The following MTUS2 variants were observed in gnomAD, a reference collection of about 807,000 sequenced individuals.
The protein encoded by MTUS2 is microtubule associated scaffold protein 2.
A neutral mutation model predicts 114.1 loss-of-function variants in MTUS2; 40 were observed. The observed-to-expected ratio is 0.35, with a 90% CI of 0.27 to 0.46. The LOEUF (loss-of-function observed/expected upper bound fraction) is 0.46. MTUS2 is among the 20% of genes least tolerant of loss of function. The probability of loss-of-function intolerance (pLI) is 1.00; values close to 1 mark genes in which losing one functional copy is unlikely to be tolerated. For synonymous variants in MTUS2, 688 were observed against 672.0 expected (o/e 1.02, Z -0.37); for missense variants, 1,679 against 1,705.4 (o/e 0.98, Z 0.27).
At chr13:28,824,433 C>A (rs1040227843) in intron 1 of MTUS2, among the ~76,000 whole-genome samples, 1 of 152,126 alleles carries the variant, frequency 6.6e-6, no homozygotes, top group African/African-American at 2.4e-5. Context: ...TCACAGATGG[C>A]CTAGTCTCAT....
intron 1 of MTUS2, among the ~76,000 whole-genome samples, chr13:28,831,789 C>T (rs920701690): frequency 1.1e-4 from 17 of 149,984 alleles, no homozygotes; most frequent in African/African-American, 3.7e-4. Context: ...CAGAGTCTCA[C>T]TCTGCTGCTC....
chr13:29,273,185 C>T (rs1351478746), intron 5 of MTUS2, among the ~76,000 whole-genome samples: 1 of 152,186 alleles, frequency 6.6e-6, no homozygotes, highest in Non-Finnish European at 1.5e-5. Flanking sequence ...CTCAGACTTA[C>T]ACCTGATTCT....
chr13:29,332,915 G>A (rs7991443), intron 7 of MTUS2, among the ~76,000 whole-genome samples: 11,425 of 151,784 alleles, frequency 0.075, 1,346 homozygotes, highest in African/African-American at 0.25. Flanking sequence ...GATTACAGGC[G>A]TGAGCCACCG....
intron 5 of MTUS2, among the ~76,000 whole-genome samples, chr13:29,109,426 C>G (rs1890797252): frequency 6.6e-6 from 1 of 152,088 alleles, no homozygotes; most frequent in Admixed American, 6.5e-5. Flanking sequence ...GAACTTACTC[C>G]TCCTGAATAC....
intron 6 of MTUS2, among the ~76,000 whole-genome samples, chr13:29,302,447 A>G (rs140532554): frequency 1.1e-4 from 16 of 152,290 alleles, no homozygotes; most frequent in African/African-American, 3.6e-4. Context: ...ACTCAGGCAC[A>G]CACACAGTCC....
chr13:29,303,693 A>G (rs1169309389), intron 6 of MTUS2, among the ~76,000 whole-genome samples: 1 of 152,222 alleles, frequency 6.6e-6, no homozygotes, highest in Non-Finnish European at 1.5e-5. Context: ...GGGAGAATGG[A>G]ACCAAGTTGG....
At chr13:29,254,454 G>T (rs1340191145) in intron 5 of MTUS2, among the ~76,000 whole-genome samples, 1 of 152,236 alleles carries the variant, frequency 6.6e-6, no homozygotes, top group Non-Finnish European at 1.5e-5. Context: ...TGACTTGATG[G>T]ACCTTGGTAC....
chr13:29,411,540 G>T (rs2138549216), intron 8 of MTUS2, among the ~76,000 whole-genome samples: 1 of 152,198 alleles, frequency 6.6e-6, no homozygotes, highest in East Asian at 1.9e-4. Context: ...AATTTTTCTG[G>T]ATATTCTTGC....
At chr13:28,985,561 T>C (rs1593356898) in intron 2 of MTUS2, among the ~76,000 whole-genome samples, 1 of 47,462 alleles carries the variant, frequency 2.1e-5, no homozygotes, top group Non-Finnish European at 3.8e-5. Context: ...AATGGTATTC[T>C]TTTTTTTTTT....
intron 4 of MTUS2, among the ~76,000 whole-genome samples, chr13:29,096,294 C>T (rs895749587): frequency 6.6e-6 from 1 of 152,224 alleles, no homozygotes; most frequent in Non-Finnish European, 1.5e-5. Context: ...ATCTGTGTTA[C>T]ATTGTCTTCC....
At chr13:29,200,521 GTTTT>G (rs56965083) in intron 5 of MTUS2, among the ~76,000 whole-genome samples, 1 of 85,418 alleles carries the variant, frequency 1.2e-5, no homozygotes, top group South Asian at 4.3e-4. Flanking sequence ...TTCTTTTTCT[GTTTT>G]TTTTTTTTTT....
At chr13:29,274,534 G>A (rs1478563640) in intron 5 of MTUS2, among the ~76,000 whole-genome samples, 3 of 152,028 alleles carry the variant, frequency 2.0e-5, no homozygotes, top group African/African-American at 4.8e-5. Flanking sequence ...ACTTTTTATT[G>A]TCTATATTTT....
intron 3 of MTUS2, among the ~76,000 whole-genome samples, chr13:29,028,771 C>A (rs1886680617): frequency 6.6e-6 from 1 of 151,974 alleles, no homozygotes; most frequent in Admixed American, 6.6e-5. Flanking sequence ...GGATTGTTTT[C>A]AATATTTTGT....
intron 1 of MTUS2, among the ~76,000 whole-genome samples, chr13:28,832,110 T>C (rs1202462921): frequency 6.6e-6 from 1 of 152,188 alleles, no homozygotes; most frequent in Non-Finnish European, 1.5e-5. Context: ...GATCTTATTT[T>C]CTTGCTGAAG....
Position 29,324,514 on chromosome 13 carries a change from G to A in MTUS2, c.2807-99G>A, listed in dbSNP as rs529146659. 11 of 802,632 alleles carry A rather than the reference G, an allele frequency of 1.4e-5. No individual in the cohort carries two copies. The Admixed American group carries it at 1.9e-4, about 14-fold the overall frequency. 49.7% of individuals were successfully genotyped at this position (802,632 alleles called of 1,614,324 possible). ...ACCCAAATATTTCTTTTGTTGATAT[G>A]TTTGACTTTCTTGAAGCCACCCTTT... On this transcript the variant is annotated intron_variant, in intron 6 of 15. Transcript: ENST00000612955.
At chr13:29,146,903 G>A (rs369375827) in intron 5 of MTUS2, among the ~76,000 whole-genome samples, 3 of 152,280 alleles carry the variant, frequency 2.0e-5, no homozygotes, top group African/African-American at 7.2e-5. Flanking sequence ...TGCAGTACAT[G>A]TTTGTTGCAT....
At chr13:29,250,565 G>T (rs1371564096) in intron 5 of MTUS2, 1 of 150,374 alleles carries the variant, frequency 6.7e-6, no homozygotes, top group Non-Finnish European at 1.5e-5. Flanking sequence ...ACACATAGAG[G>T]CAGAGAAGGC....
chr13:29,300,092 A>G (rs1489497892), intron 6 of MTUS2, among the ~76,000 whole-genome samples: 1 of 152,216 alleles, frequency 6.6e-6, no homozygotes, highest in South Asian at 2.1e-4. Context: ...AGATCCATTT[A>G]TCTTTCTCTG....
At chr13:29,110,028 TGTG>T (rs1320380750) in intron 5 of MTUS2, among the ~76,000 whole-genome samples, 5 of 152,242 alleles carry the variant, frequency 3.3e-5, no homozygotes, top group East Asian at 1.9e-4. Context: ...GTTGTAAACT[TGTG>T]GTGGTTTGGA....
Sources: gnomAD v4.1 joint callset for allele counts (sites outside exome capture counted in the v4.1 genomes callset) on GRCh38, gnomAD v4.1.1 for gene constraint, MANE v1.5 for transcripts, NCBI Gene and HGNC (gene_info 2026-07-23, HGNC 2026-07-21) for gene names.